The following DOK6 variants were observed in gnomAD, a reference collection of about 807,000 sequenced individuals.
The protein encoded by DOK6 is downstream of tyrosine kinase 6.
In DOK6, 22 loss-of-function variants were observed where a neutral mutation model predicts 44.0. The ratio of observed to expected loss-of-function variants is 0.50; its 90% CI spans 0.36 to 0.71. The LOEUF (loss-of-function observed/expected upper bound fraction) is 0.71, where lower values mean the gene tolerates loss of function less well. DOK6 is among the 30% of genes least tolerant of loss of function. The pLI is 0.00. For synonymous variants in DOK6, 166 were observed against 145.5 expected, an observed-to-expected ratio of 1.14 and a Z score of -1.01; for missense variants, 340 against 416.4, an observed-to-expected ratio of 0.82 and a Z score of 1.60.
chr18:69,438,627 T>G (rs1979050567), intron 1 of DOK6, among the ~76,000 whole-genome samples: 1 of 152,230 alleles, frequency 6.6e-6, no homozygotes, highest in Non-Finnish European at 1.5e-5. Context: ...CAGAAGGTTT[T>G]CAACTTACTT....
chr18:69,438,236 G>A (rs2122437322), intron 1 of DOK6, among the ~76,000 whole-genome samples: 1 of 152,226 alleles, frequency 6.6e-6, no homozygotes, highest in Non-Finnish European at 1.5e-5. Context: ...CTCACAATTG[G>A]AATAAACAAA....
At chr18:69,617,494 A>G (rs1568312611) in intron 3 of DOK6, among the ~76,000 whole-genome samples, 1 of 142,508 alleles carries the variant, frequency 7.0e-6, no homozygotes, top group Non-Finnish European at 1.5e-5. Context: ...GAAAAGAAGA[A>G]AGAAAGAAAG....
chr18:69,556,267 C>T (rs539539865), intron 1 of DOK6, among the ~76,000 whole-genome samples: 79 of 152,248 alleles, frequency 5.2e-4, no homozygotes, highest in African/African-American at 1.8e-3. Context: ...GCTCTTGAAG[C>T]AGTTCAGAAG....
chr18:69,528,007 C>CA lies in DOK6; in HGVS notation c.67-36474dup, dbSNP rs1162234588. The stretch of plus-strand genomic sequence containing the variant: ...TGAAACCCTGTCTCTACTAAAAATA[C>CA]AAAAAATTAGCCGGGCATGATGGTG... On this transcript the variant is annotated intron_variant, in intron 1 of 7. Coordinates refer to ENST00000382713, the MANE Select transcript of DOK6 (RefSeq NM_152721.6). 8.6e-5 allele frequency among the ~76,000 whole-genome samples: 13 copies of CA among 151,754 alleles called. No individual in the cohort carries two copies. In the South Asian group the frequency reaches 1.0e-3, roughly 12 times the overall value.
At chr18:69,626,784 A>G (rs887176807) in intron 3 of DOK6, among the ~76,000 whole-genome samples, 2 of 152,150 alleles carry the variant, frequency 1.3e-5, no homozygotes, top group African/African-American at 4.8e-5. Flanking sequence ...TTTCAAAGGA[A>G]TGGTTCCCAG....
At chr18:69,742,896 A>G (rs1334872974) in intron 6 of DOK6, among the ~76,000 whole-genome samples, 1 of 152,242 alleles carries the variant, frequency 6.6e-6, no homozygotes, top group Non-Finnish European at 1.5e-5. Flanking sequence ...TCATATTGTC[A>G]TGGCAAGAGC....
intron 5 of DOK6, among the ~76,000 whole-genome samples, chr18:69,718,615 T>C (rs955318732): frequency 5.9e-5 from 9 of 152,332 alleles, no homozygotes; most frequent in African/African-American, 7.2e-5. Flanking sequence ...TATTATGCCA[T>C]TCTCAAAGAG....
At chr18:69,687,453 A>G (rs1220542776) in intron 4 of DOK6, among the ~76,000 whole-genome samples, 1 of 152,208 alleles carries the variant, frequency 6.6e-6, no homozygotes, top group Non-Finnish European at 1.5e-5. Context: ...AGGCTGAGGC[A>G]GGTGCATAAT....
chr18:69,758,901 G>T (rs1260319418), intron 7 of DOK6, among the ~76,000 whole-genome samples: 1 of 71,864 alleles, frequency 1.4e-5, no homozygotes, highest in African/African-American at 3.1e-5. Context: ...CTGAAGTAAT[G>T]TGTTTTTTAT....
intron 2 of DOK6, among the ~76,000 whole-genome samples, chr18:69,566,382 C>T (rs1207347936): frequency 3.9e-5 from 6 of 152,056 alleles, no homozygotes; most frequent in African/African-American, 1.2e-4. Flanking sequence ...GTGATCCGCC[C>T]GCCTCGGCCT....
intron 7 of DOK6, among the ~76,000 whole-genome samples, chr18:69,767,213 C>T (rs1979744998): frequency 6.6e-6 from 1 of 151,768 alleles, no homozygotes; most frequent in African/African-American, 2.4e-5. Context: ...GCCTGGGCGA[C>T]AGAGTGAGAA....
At chr18:69,698,356 C>A in intron 4 of DOK6, 48 bp from the exon 5 acceptor site, 1 of 1,537,146 alleles carries the variant, frequency 6.5e-7, no homozygotes, top group Non-Finnish European at 8.8e-7. Flanking sequence ...GCCATAGACA[C>A]TCACACCTCT....
intron 3 of DOK6, among the ~76,000 whole-genome samples, chr18:69,674,393 T>C (rs1279434313): frequency 6.6e-6 from 1 of 152,192 alleles, no homozygotes; most frequent in Non-Finnish European, 1.5e-5. Flanking sequence ...GAACTGATAC[T>C]GTTTCTCACA....
intron 1 of DOK6, among the ~76,000 whole-genome samples, chr18:69,490,204 A>C (rs908183738): frequency 8.6e-5 from 13 of 152,040 alleles, no homozygotes; most frequent in Admixed American, 6.6e-4. Flanking sequence ...ATTGATTCTG[A>C]CTTCTTCTCA....
chr18:69,817,617 A>G (rs1981439359), intron 7 of DOK6, among the ~76,000 whole-genome samples: 3 of 152,110 alleles, frequency 2.0e-5, no homozygotes, highest in East Asian at 3.9e-4. Context: ...TCTGCTTCTT[A>G]TAAAGCCATC....
At chr18:69,588,704 G>A (rs1421434252) in intron 2 of DOK6, among the ~76,000 whole-genome samples, 6 of 152,072 alleles carry the variant, frequency 3.9e-5, no homozygotes, top group Non-Finnish European at 5.9e-5. Flanking sequence ...ACAAAATCAG[G>A]TTCTGGTAAG....
intron 7 of DOK6, among the ~76,000 whole-genome samples, chr18:69,810,155 T>C: frequency 6.6e-6 from 1 of 152,002 alleles, no homozygotes. Context: ...TGGAATAGAA[T>C]AGAGAGCTCA....
At chr18:69,449,711 C>T (rs1979402553) in intron 1 of DOK6, among the ~76,000 whole-genome samples, 1 of 152,036 alleles carries the variant, frequency 6.6e-6, no homozygotes, top group South Asian at 2.1e-4. Flanking sequence ...AGATGGAGAT[C>T]TGAGAACGGG....
chr18:69,740,093 G>C (rs555623038), intron 6 of DOK6, among the ~76,000 whole-genome samples: 9 of 152,254 alleles, frequency 5.9e-5, no homozygotes, highest in African/African-American at 2.2e-4. Context: ...TTAAAAAAGA[G>C]CCTTCCTAAC....
Sources: allele counts gnomAD v4.1 joint callset (sites outside exome capture counted in the v4.1 genomes callset), GRCh38; gene constraint gnomAD v4.1.1; transcripts MANE v1.5; gene names NCBI Gene and HGNC (gene_info 2026-07-23, HGNC 2026-07-21).